Variants in CBLB observed in about 807,000 individuals in gnomAD.
CBLB encodes Cbl proto-oncogene B.
A neutral mutation model predicts 104.9 loss-of-function variants in CBLB; 31 were observed. The observed-to-expected ratio is 0.30, with a 90% confidence interval of 0.22 to 0.40. The LOEUF is 0.40. Among genes scored for constraint, CBLB ranks in the 10% least tolerant of loss-of-function variants. The pLI is 1.00. For missense variants in CBLB, 1,062 were observed against 1,214.6 expected (o/e 0.87, Z 1.87); for synonymous variants, 440 against 422.6 (o/e 1.04, Z -0.51).
At chr3:105,737,098 T>G in intron 8 of CBLB, 73 bp downstream of exon 8, 1 of 727,350 alleles carries the variant, frequency 1.4e-6, no homozygotes, top group Non-Finnish European at 2.4e-6. Context: ...TTAACTACAC[T>G]AAGAGAGTCT....
At chr3:105,705,687 T>C (rs2069985982) in intron 10 of CBLB, among the ~76,000 whole-genome samples, 1 of 152,250 alleles carries the variant, frequency 6.6e-6, no homozygotes, top group Admixed American at 6.5e-5. Flanking sequence ...TTGCTGACCT[T>C]AATTACCTGA....
At chr3:105,787,195 G>A (rs2152988298) in intron 3 of CBLB, among the ~76,000 whole-genome samples, 1 of 152,222 alleles carries the variant, frequency 6.6e-6, no homozygotes, top group African/African-American at 2.4e-5. Context: ...ATTTTTTAAA[G>A]GTCTCAGACT....
chr3:105,828,083 C>G (rs1043152289), intron 3 of CBLB, among the ~76,000 whole-genome samples: 1 of 152,204 alleles, frequency 6.6e-6, no homozygotes, highest in African/African-American at 2.4e-5. Flanking sequence ...CTTCTCCCAT[C>G]CCTGTTCCAT....
At chr3:105,736,081 T>C (rs960148025) in intron 8 of CBLB, among the ~76,000 whole-genome samples, 3 of 152,234 alleles carry the variant, frequency 2.0e-5, no homozygotes, top group African/African-American at 7.2e-5. Flanking sequence ...GGTAAATTAT[T>C]ATCTACTGTC....
At chr3:105,784,488 T>G (rs71327584) in intron 3 of CBLB, among the ~76,000 whole-genome samples, 5,075 of 152,302 alleles carry the variant, frequency 0.033, 130 homozygotes, top group Non-Finnish European at 0.051. Context: ...AAAATAAACT[T>G]GACATTGAAA....
At chr3:105,757,847 A>G (rs149266754) in intron 4 of CBLB, among the ~76,000 whole-genome samples, 19 of 152,240 alleles carry the variant, frequency 1.2e-4, no homozygotes, top group Admixed American at 1.2e-3. Context: ...CAAAAAGAAA[A>G]TATGTTCTAT....
chr3:105,838,091 T>C (rs2088861618), intron 3 of CBLB, among the ~76,000 whole-genome samples: 1 of 148,940 alleles, frequency 6.7e-6, no homozygotes, highest in Admixed American at 6.7e-5. Flanking sequence ...TTCTTTTTTT[T>C]TTTTTTTCTG....
At chr3:105,684,289 G>A (rs1053599557) in intron 14 of CBLB, among the ~76,000 whole-genome samples, 1 of 152,160 alleles carries the variant, frequency 6.6e-6, no homozygotes, top group Admixed American at 6.5e-5. Context: ...AGTAAGTTTT[G>A]TAGCTGGGAG....
At chr3:105,819,519 T>C (rs2085528363) in intron 3 of CBLB, among the ~76,000 whole-genome samples, 1 of 151,628 alleles carries the variant, frequency 6.6e-6, no homozygotes, top group African/African-American at 2.4e-5. Flanking sequence ...AGAAAAACCA[T>C]AATGAAGGGA....
intron 12 of CBLB, among the ~76,000 whole-genome samples, chr3:105,694,094 T>C (rs1435936451): frequency 6.6e-6 from 1 of 151,974 alleles, no homozygotes; most frequent in Non-Finnish European, 1.5e-5. Context: ...TCTTTCATGG[T>C]TGAAGCTTCT....
At chr3:105,784,070 A>G (rs1373643290) in intron 3 of CBLB, among the ~76,000 whole-genome samples, 7 of 152,228 alleles carry the variant, frequency 4.6e-5, no homozygotes, top group Admixed American at 2.6e-4. Context: ...AACCTACTAC[A>G]GTATAAATAT....
chr3:105,861,686 CACACACACACACACACACACATACAT>C (rs2092102093), intron 2 of CBLB, among the ~76,000 whole-genome samples: 1 of 142,388 alleles, frequency 7.0e-6, no homozygotes, highest in African/African-American at 2.7e-5. Context: ...TGCACACATA[CACACACACACACACACACACATACAT>C]ACACACACAC....
chr3:105,737,165 C>T lies in CBLB; in HGVS notation c.1071+6G>A, dbSNP rs2075043245. The T allele has an allele frequency of 5.5e-6, 8 of 1,467,700 alleles. No homozygotes were observed. Among genetic ancestry groups the T allele is most frequent in the African/African-American group, 1.4e-5 (1 of 72,020 alleles). 90.9% of individuals were successfully genotyped at this position (1,467,700 alleles called of 1,614,324 possible). A position where few individuals can be genotyped will look rare whatever the true frequency, so the allele number is the denominator to read the frequency against. ...TTAATTATACTTTTCTAGCAATTATCCTTACCTGTGTAACTTTTATATGGT... is the reference window on the plus strand; with the variant it reads ...TTAATTATACTTTTCTAGCAATTATTCTTACCTGTGTAACTTTTATATGGT... On this transcript the variant is annotated splice_donor_region_variant and intron_variant, in intron 8 of 18. Coordinates refer to ENST00000394030, the MANE Select transcript of CBLB (RefSeq NM_170662.5).
At chr3:105,836,767 C>A (rs1418172790) in intron 3 of CBLB, among the ~76,000 whole-genome samples, 1 of 152,112 alleles carries the variant, frequency 6.6e-6, no homozygotes, top group Non-Finnish European at 1.5e-5. Context: ...AAACTGCTGA[C>A]AAACCCTAAC....
chr3:105,743,725 T>C (rs1484866645), intron 6 of CBLB, among the ~76,000 whole-genome samples: 8 of 146,900 alleles, frequency 5.4e-5, no homozygotes, highest in Admixed American at 4.9e-4. Flanking sequence ...TGAAATACTT[T>C]CCAAGATAAA....
At chr3:105,815,860 C>A (rs1189529656) in intron 3 of CBLB, among the ~76,000 whole-genome samples, 1 of 152,156 alleles carries the variant, frequency 6.6e-6, no homozygotes, top group Admixed American at 6.5e-5. Context: ...GAATACTATG[C>A]AGCCATAAAA....
chr3:105,777,799 G>C (rs1415421546), intron 3 of CBLB, among the ~76,000 whole-genome samples: 1 of 152,088 alleles, frequency 6.6e-6, no homozygotes, highest in Non-Finnish European at 1.5e-5. Context: ...TTAAGTTCTG[G>C]GGATTCTGAC....
chr3:105,731,392 G>T (rs989135025), intron 9 of CBLB, among the ~76,000 whole-genome samples: 1 of 152,138 alleles, frequency 6.6e-6, no homozygotes, highest in South Asian at 2.1e-4. Context: ...ATAGAAACAA[G>T]AGTTAAGGTT....
intron 8 of CBLB, among the ~76,000 whole-genome samples, chr3:105,736,668 G>T (rs971989313): frequency 6.6e-6 from 1 of 152,056 alleles, no homozygotes; most frequent in Admixed American, 6.6e-5. Flanking sequence ...TACATATATA[G>T]AATTTAAAGT....
Sources: allele counts gnomAD v4.1 joint callset (sites outside exome capture counted in the v4.1 genomes callset), GRCh38; gene constraint gnomAD v4.1.1; transcripts MANE v1.5; gene names NCBI Gene and HGNC (gene_info 2026-07-23, HGNC 2026-07-21).